Variants in MTUS2 observed in about 807,000 individuals in gnomAD.
MTUS2 encodes the protein microtubule associated scaffold protein 2, also known as microtubule-associated tumor suppressor candidate 2.
In MTUS2, 40 loss-of-function variants were observed where a neutral mutation model predicts 114.1. That is an observed-to-expected ratio of 0.35 (90% CI 0.27 to 0.46). The LOEUF (loss-of-function observed/expected upper bound fraction) is 0.46, where lower values mean the gene tolerates loss of function less well. MTUS2 is among the 20% of genes least tolerant of loss of function. The pLI, the probability that MTUS2 is intolerant of heterozygous loss-of-function variation, is 1.00. For missense variants in MTUS2, 1,679 were observed against 1,705.4 expected (o/e 0.98, Z 0.27); for synonymous variants, 688 against 672.0 (o/e 1.02, Z -0.37).
chr13:29,108,236 G>T (rs1211376430), intron 5 of MTUS2, among the ~76,000 whole-genome samples: 1 of 152,204 alleles, frequency 6.6e-6, no homozygotes, highest in African/African-American at 2.4e-5. Flanking sequence ...AAGGTGGCTT[G>T]TGAGGTCAGA....
intron 2 of MTUS2, among the ~76,000 whole-genome samples, chr13:28,869,389 G>C (rs1877485756): frequency 6.6e-6 from 1 of 152,194 alleles, no homozygotes; most frequent in Admixed American, 6.5e-5. Context: ...AATTCTACAA[G>C]GGATAGATTT....
At chr13:29,415,335 T>A (rs1302261477) in intron 8 of MTUS2, among the ~76,000 whole-genome samples, 1 of 152,200 alleles carries the variant, frequency 6.6e-6, no homozygotes, top group Non-Finnish European at 1.5e-5. Context: ...ATCCACTTTA[T>A]CCATTTTGAA....
intron 5 of MTUS2, among the ~76,000 whole-genome samples, chr13:29,212,614 A>G (rs1474156775): frequency 6.6e-6 from 1 of 151,674 alleles, no homozygotes; most frequent in Non-Finnish European, 1.5e-5. Context: ...CTTAAGTAAT[A>G]ACAGCTCACA....
At chr13:29,296,742 C>T (rs546172303) in intron 6 of MTUS2, among the ~76,000 whole-genome samples, 1 of 152,064 alleles carries the variant, frequency 6.6e-6, no homozygotes, top group Non-Finnish European at 1.5e-5. Context: ...ATTTGTATAT[C>T]TTTTCTGAGG....
chr13:29,153,945 G>A (rs1239030028), intron 5 of MTUS2, among the ~76,000 whole-genome samples: 2 of 152,204 alleles, frequency 1.3e-5, no homozygotes, highest in Non-Finnish European at 2.9e-5. Flanking sequence ...AGTTTTGAGA[G>A]TCGAAAGGGT....
chr13:28,926,481 A>G (rs1355424190), intron 2 of MTUS2, among the ~76,000 whole-genome samples: 1 of 152,158 alleles, frequency 6.6e-6, no homozygotes, highest in Non-Finnish European at 1.5e-5. Context: ...CCAGGACCTG[A>G]GTGTGAAGGA....
chr13:29,119,657 G>T (rs1047610422), intron 5 of MTUS2, among the ~76,000 whole-genome samples: 32 of 152,198 alleles, frequency 2.1e-4, no homozygotes, highest in African/African-American at 7.5e-4. Flanking sequence ...GGCAGGAGAA[G>T]ATCCCTGTTC....
intron 2 of MTUS2, among the ~76,000 whole-genome samples, chr13:28,926,227 G>GTCT (rs1881320000): frequency 6.6e-6 from 1 of 152,124 alleles, no homozygotes. Flanking sequence ...ATTTGTGTTG[G>GTCT]GTAATTTTGT....
chr13:29,371,218 ACCC>A (rs58312532), intron 8 of MTUS2, among the ~76,000 whole-genome samples: 20 of 101,354 alleles, frequency 2.0e-4, no homozygotes, highest in African/African-American at 6.1e-4. Flanking sequence ...CACATTAACC[ACCC>A]CCCCCCCCTT....
intron 8 of MTUS2, among the ~76,000 whole-genome samples, chr13:29,377,172 C>T (rs898392955): frequency 1.3e-5 from 2 of 152,120 alleles, no homozygotes; most frequent in East Asian, 3.8e-4. Flanking sequence ...GATTTCAACA[C>T]CCCTGGCTCA....
chr13:29,166,576 C>T (rs1893326067), intron 5 of MTUS2, among the ~76,000 whole-genome samples: 2 of 152,192 alleles, frequency 1.3e-5, no homozygotes, highest in Admixed American at 1.3e-4. Context: ...AGTTTTGTTT[C>T]TAGGTTTAGA....
chr13:29,257,905 G>A (rs1161757423), intron 5 of MTUS2, among the ~76,000 whole-genome samples: 2 of 152,178 alleles, frequency 1.3e-5, no homozygotes, highest in Non-Finnish European at 2.9e-5. Flanking sequence ...GGCCTCAAGA[G>A]TCCATGAGCC....
intron 11 of MTUS2, among the ~76,000 whole-genome samples, chr13:29,491,677 TGTG>T (rs1232346849): frequency 7.4e-6 from 1 of 135,038 alleles, no homozygotes; most frequent in Non-Finnish European, 1.5e-5. Flanking sequence ...TGCGATTGTG[TGTG>T]GTGTGTGTGG....
intron 2 of MTUS2, among the ~76,000 whole-genome samples, chr13:28,868,013 T>C (rs1877402283): frequency 6.6e-6 from 1 of 152,214 alleles, no homozygotes; most frequent in Non-Finnish European, 1.5e-5. Flanking sequence ...GCATTGTTTC[T>C]TGTCTACTTC....
At chr13:29,028,018 C>G (rs949002021) in intron 3 of MTUS2, among the ~76,000 whole-genome samples, 4 of 152,146 alleles carry the variant, frequency 2.6e-5, no homozygotes, top group South Asian at 2.1e-4. Flanking sequence ...TAAGATTTGT[C>G]TCCTGAAGGA....
intron 2 of MTUS2, among the ~76,000 whole-genome samples, chr13:28,962,565 T>C (rs1883379375): frequency 6.6e-6 from 1 of 152,178 alleles, no homozygotes; most frequent in African/African-American, 2.4e-5. Context: ...TGAAGTTTCT[T>C]TAAAAGAAAA....
chr13:29,444,663 A>G (rs1878145705), intron 9 of MTUS2, among the ~76,000 whole-genome samples: 1 of 152,216 alleles, frequency 6.6e-6, no homozygotes, highest in Non-Finnish European at 1.5e-5. Flanking sequence ...TGGGCCAGGG[A>G]CAGGGTTGAG....
At chr13:29,064,363 G>A (rs1035108863) in intron 4 of MTUS2, among the ~76,000 whole-genome samples, 2 of 150,618 alleles carry the variant, frequency 1.3e-5, no homozygotes, top group African/African-American at 2.4e-5. Flanking sequence ...ATTGTGGGGG[G>A]ATTTCAGCGC....
intron 8 of MTUS2, among the ~76,000 whole-genome samples, chr13:29,386,560 G>A (rs565512572): frequency 2.6e-5 from 4 of 152,222 alleles, no homozygotes; most frequent in Non-Finnish European, 4.4e-5. Context: ...TGGAAGACAT[G>A]CCTCAAGGAG....
Sources: allele counts gnomAD v4.1 joint callset (sites outside exome capture counted in the v4.1 genomes callset), GRCh38; gene constraint gnomAD v4.1.1; transcripts MANE v1.5; gene names NCBI Gene and HGNC (gene_info 2026-07-23, HGNC 2026-07-21).